The following CABP1 variants were observed in gnomAD, a reference collection of about 807,000 sequenced individuals.
CABP1 encodes calcium-binding protein 1.
Under a neutral mutation model 34.3 loss-of-function variants are expected in CABP1, and 17 were observed. That is an observed-to-expected ratio of 0.50 (90% CI 0.34 to 0.74). The LOEUF (loss-of-function observed/expected upper bound fraction) is 0.74, where lower values mean the gene tolerates loss of function less well. Ranked by LOEUF, CABP1 falls within the 30% of genes least tolerant of loss-of-function variation. The pLI is 0.01. For synonymous variants in CABP1, 198 were observed against 229.2 expected, an observed-to-expected ratio of 0.86 and a Z score of 1.23; for missense variants, 373 against 511.1, an observed-to-expected ratio of 0.73 and a Z score of 2.61.
the CABP1 span, among the ~76,000 whole-genome samples, chr12:120,679,592 C>T: frequency 6.6e-6 from 1 of 152,092 alleles, no homozygotes; most frequent in Non-Finnish European, 1.5e-5. Context: ...CTTTGAGAAG[C>T]CGAGGTGGGC....
the CABP1 span, among the ~76,000 whole-genome samples, chr12:120,673,961 C>T: frequency 1.3e-4 from 20 of 152,306 alleles, no homozygotes; most frequent in Admixed American, 2.6e-4. Context: ...GTGAGAGGAT[C>T]GTTTGAGCCC....
Position 120,660,363 on chromosome 12 carries a change from G to A in CABP1, c.829+24G>A. ...CCGTGAGTCCCTCTACCAGGCATCT[G>A]CGTCCCTTCGGTCCTCACCCTTGCC... On this transcript the variant is annotated intron_variant, in intron 3 of 5. Coordinates refer to ENST00000316803, the MANE Select transcript of CABP1 (RefSeq NM_001033677.2). This position sits in a 1 kb window ranked among gnomAD's most constrained non-coding sequence, Gnocchi z 5.0. The A allele has an allele frequency of 6.2e-7, 1 of 1,607,424 alleles. No homozygotes were observed. The highest frequency in any genetic ancestry group is 8.5e-7 in the Non-Finnish European group (1 of 1,178,230).
chr12:120,653,205 C>G (rs913829573), intron 1 of CABP1, among the ~76,000 whole-genome samples: 3 of 152,198 alleles, frequency 2.0e-5, no homozygotes, highest in Non-Finnish European at 4.4e-5. Flanking sequence ...CCCAGCATCT[C>G]TTAAATTACA....
At chr12:120,662,660 C>T (rs1305924621) in intron 5 of CABP1, among the ~76,000 whole-genome samples, 2 of 147,606 alleles carry the variant, frequency 1.4e-5, no homozygotes, top group Non-Finnish European at 3.0e-5. Context: ...TGTGCCTGGC[C>T]ACCAGGAGGG....
chr12:120,679,221 C>T, the CABP1 span, among the ~76,000 whole-genome samples: 1 of 152,026 alleles, frequency 6.6e-6, no homozygotes, highest in Admixed American at 6.6e-5. Context: ...ATTCATTTAC[C>T]CAAAGTCACA....
At chr12:120,666,171 G>A (rs1402650230) in intron 5 of CABP1, among the ~76,000 whole-genome samples, 2 of 147,160 alleles carry the variant, frequency 1.4e-5, no homozygotes, top group African/African-American at 2.5e-5. Context: ...GCACTTCAGC[G>A]TGGGCGACAG....
chr12:120,667,366 A>AC (rs1000410500), downstream of CABP1: 9 of 181,038 alleles, frequency 5.0e-5, no homozygotes, highest in African/African-American at 2.1e-4. Flanking sequence ...TGGTTAGATG[A>AC]CCCTCACATT....
downstream of CABP1, among the ~76,000 whole-genome samples, chr12:120,667,632 G>A (rs1881087838): frequency 6.6e-6 from 1 of 152,100 alleles, no homozygotes; most frequent in South Asian, 2.1e-4. Context: ...GGGATTACAG[G>A]CGCCCGCCAC....
intron 1 of CABP1, among the ~76,000 whole-genome samples, chr12:120,650,954 A>C (rs117424154): frequency 6.6e-6 from 1 of 152,288 alleles, no homozygotes; most frequent in East Asian, 1.9e-4. Context: ...TCTAGGATGT[A>C]AAATGAAAAG....
intron 1 of CABP1, among the ~76,000 whole-genome samples, chr12:120,653,423 A>G (rs1879973263): frequency 1.3e-5 from 2 of 152,202 alleles, no homozygotes. Context: ...TGACCTGCCC[A>G]AGGTCACACA....
chr12:120,662,069 T>C (rs530248509), intron 5 of CABP1: 1 of 152,444 alleles, frequency 6.6e-6, no homozygotes, highest in South Asian at 2.1e-4. Flanking sequence ...TTTCCTCATC[T>C]ATATCCATCT....
At chr12:120,672,234 GCTGTA>G (rs1156827567), downstream of CABP1, among the ~76,000 whole-genome samples, 1 of 152,148 alleles carries the variant, frequency 6.6e-6, no homozygotes, top group Non-Finnish European at 1.5e-5. Context: ...AACATGTTGA[GCTGTA>G]CCATGAGGAG....
the CABP1 span, among the ~76,000 whole-genome samples, chr12:120,677,386 C>A: frequency 2.1e-5 from 3 of 141,666 alleles, no homozygotes; most frequent in African/African-American, 8.0e-5. Context: ...CTATGCCCAG[C>A]CTTCTTTTTT....
chr12:120,673,366 C>T, the CABP1 span, among the ~76,000 whole-genome samples: 6 of 152,092 alleles, frequency 3.9e-5, no homozygotes, highest in South Asian at 8.3e-4. Flanking sequence ...GGGAAGATCA[C>T]GAGGTCAGGA....
downstream of CABP1, among the ~76,000 whole-genome samples, chr12:120,669,672 T>G (rs576323523): frequency 1.3e-5 from 2 of 151,972 alleles, no homozygotes; most frequent in South Asian, 4.2e-4. Flanking sequence ...GAGAATTGCT[T>G]GAACACGAGA....
At chr12:120,676,497 G>C in the CABP1 span, among the ~76,000 whole-genome samples, 3 of 151,678 alleles carry the variant, frequency 2.0e-5, no homozygotes, top group Non-Finnish European at 2.9e-5. Flanking sequence ...ATGTGATCTC[G>C]GCTCATCACA....
At chr12:120,657,915 G>A (rs1368784508) in intron 1 of CABP1, among the ~76,000 whole-genome samples, 1 of 152,136 alleles carries the variant, frequency 6.6e-6, no homozygotes, top group East Asian at 1.9e-4. Flanking sequence ...TGGTCCTAGG[G>A]CGTGTGCTCT....
chr12:120,642,282 C>G (rs778606581), intron 1 of CABP1, among the ~76,000 whole-genome samples: 1 of 152,014 alleles, frequency 6.6e-6, no homozygotes, highest in East Asian at 1.9e-4. Flanking sequence ...AGAGCGTTTG[C>G]GTGGTTTGTA....
rs912372484 is a variant in CABP1 at position 120,640,927 on chromosome 12, G to C, written c.242G>C (p.Gly81Ala). 5 of 1,119,032 alleles carry C rather than the reference G, an allele frequency of 4.5e-6. No individual in the cohort carries two copies. Among genetic ancestry groups the C allele is most frequent in the South Asian group, 8.6e-5 (2 of 23,338 alleles). The allele number at this position is 1,119,032 out of a possible 1,614,324, so 69.3% of individuals were successfully genotyped here. A position where few individuals can be genotyped will look rare whatever the true frequency, so the allele number is the denominator to read the frequency against. Reference protein sequence around the residue: ...LLKAAAAAASGGSRAPRHGPA... With the variant: ...LLKAAAAAASAGSRAPRHGPA... ...AAGGCGGCGGCGGCGGCGGCGAGCG[G>C]GGGCAGCCGGGCTCCCCGCCACGGC... is the stretch of plus-strand genomic sequence containing the variant. Residue 81 changes from glycine to alanine, a missense_variant, in exon 1 of 6, where the codon GGG becomes GCG. Transcript: ENST00000316803. The surrounding 1 kb of genome is among the most constrained non-coding windows in gnomAD (Gnocchi z 6.2).
Sources: gnomAD v4.1 joint callset for allele counts (sites outside exome capture counted in the v4.1 genomes callset) on GRCh38, gnomAD v4.1.1 for gene constraint, Gnocchi (gnomAD v3.1) non-coding constraint, MANE v1.5 for transcripts, NCBI Gene and HGNC (gene_info 2026-07-23, HGNC 2026-07-21) for gene names.